The following BANK1 variants were observed in gnomAD, a reference collection of about 807,000 sequenced individuals.
BANK1 encodes B cell scaffold protein with ankyrin repeats 1, also known as B-cell scaffold protein with ankyrin repeats.
BANK1 carries 95 observed loss-of-function variants against 94.5 expected under a neutral mutation model. That is an observed-to-expected ratio of 1.00 (90% CI 0.85 to 1.19). The LOEUF (loss-of-function observed/expected upper bound fraction) is 1.19. Among genes scored for constraint, BANK1 ranks in the 50% most tolerant of loss-of-function variants. The pLI is 0.00. For synonymous variants in BANK1, 334 were observed against 308.4 expected (o/e 1.08, Z -0.87); for missense variants, 987 against 932.2 (o/e 1.06, Z -0.77).
At chr4:101,978,274 A>G (rs1324352258) in intron 7 of BANK1, among the ~76,000 whole-genome samples, 1 of 152,134 alleles carries the variant, frequency 6.6e-6, no homozygotes, top group Non-Finnish European at 1.5e-5. Flanking sequence ...CAGTTCTTCA[A>G]AGATCATACA....
At chr4:101,843,655 G>T (rs1033058314) in intron 2 of BANK1, among the ~76,000 whole-genome samples, 2 of 152,256 alleles carry the variant, frequency 1.3e-5, no homozygotes, top group East Asian at 1.9e-4. Context: ...GGTGGCTCAT[G>T]CCTGTAATCC....
At chr4:102,002,638 C>G (rs1214126205) in intron 7 of BANK1, among the ~76,000 whole-genome samples, 1 of 151,762 alleles carries the variant, frequency 6.6e-6, no homozygotes, top group Non-Finnish European at 1.5e-5. Context: ...GGTAAAATGA[C>G]TTGCTCAAGA....
intron 5 of BANK1, among the ~76,000 whole-genome samples, chr4:101,880,115 A>C (rs1253262906): frequency 2.0e-5 from 3 of 152,116 alleles, no homozygotes; most frequent in Non-Finnish European, 2.9e-5. Context: ...GAAATAAATA[A>C]AGGCATCCAA....
chr4:101,911,645 T>C (rs1010329178), intron 6 of BANK1, among the ~76,000 whole-genome samples: 1 of 152,232 alleles, frequency 6.6e-6, no homozygotes, highest in Non-Finnish European at 1.5e-5. Context: ...TATCAATAGA[T>C]ACAAATTATT....
At chr4:102,066,479 G>A (rs1013360496) in intron 13 of BANK1, among the ~76,000 whole-genome samples, 2 of 151,976 alleles carry the variant, frequency 1.3e-5, no homozygotes, top group Non-Finnish European at 2.9e-5. Context: ...GGATGGTCTC[G>A]ATCTCCTGAC....
intron 5 of BANK1, among the ~76,000 whole-genome samples, chr4:101,886,364 G>A (rs773956009): frequency 1.3e-5 from 2 of 152,142 alleles, no homozygotes; most frequent in Admixed American, 1.3e-4. Flanking sequence ...GGCCAGAAAG[G>A]AAAGAATCAA....
chr4:102,070,115 A>C (rs1728711875), intron 13 of BANK1, among the ~76,000 whole-genome samples: 1 of 152,216 alleles, frequency 6.6e-6, no homozygotes, highest in Non-Finnish European at 1.5e-5. Flanking sequence ...GGCAAGTTTC[A>C]GAGCAGGAGT....
intron 2 of BANK1, among the ~76,000 whole-genome samples, chr4:101,837,998 C>G (rs548101129): frequency 6.6e-6 from 1 of 151,390 alleles, no homozygotes; most frequent in South Asian, 2.1e-4. Context: ...CTTGCTCTGT[C>G]ACCCAGGCTG....
intron 7 of BANK1, among the ~76,000 whole-genome samples, chr4:101,978,539 C>A (rs1725214990): frequency 6.6e-6 from 1 of 152,052 alleles, no homozygotes; most frequent in Non-Finnish European, 1.5e-5. Flanking sequence ...ACCAGGCATT[C>A]TTAATACGTA....
intron 11 of BANK1, among the ~76,000 whole-genome samples, chr4:102,051,153 A>G (rs1728033820): frequency 6.6e-6 from 1 of 152,180 alleles, no homozygotes; most frequent in South Asian, 2.1e-4. Context: ...GGAAGATATT[A>G]CCCTTACATG....
chr4:101,907,336 C>G lies in BANK1; in HGVS notation c.1010-10657C>G, dbSNP rs948180297. ...TTATCTCAATAGATGCAGAAAAGGC[C>G]TTTGACAAAATTCAACAGCACTTCA... is the stretch of plus-strand genomic sequence containing the variant. On this transcript the variant is annotated intron_variant, in intron 6 of 16. Transcript: ENST00000322953. Among the ~76,000 whole-genome samples the G allele has an allele frequency of 3.9e-5, 6 of 152,282 alleles. No individual in the cohort carries two copies. In the East Asian group the frequency reaches 7.7e-4, roughly 20 times the overall value.
Position 102,030,221 on chromosome 4 carries a change from C to A in BANK1, c.1856C>A (p.Thr619Lys). 6.2e-7 allele frequency: 1 copy of A among 1,609,420 alleles called. No homozygotes were observed. Among genetic ancestry groups the A allele is most frequent in the Non-Finnish European group, 8.5e-7 (1 of 1,178,778 alleles). The change falls in exon 10 of 17, where the codon ACA becomes AAA. Residue 619 changes from threonine to lysine, a missense_variant. By Grantham distance (78) the Thr-to-Lys change is moderately conservative. Transcript: ENST00000322953. ...CCTCCTGCCCCCACACCCCGACCCA[C>A]AAGTATACCTCCAAAAGAGGAAACT... is the stretch of plus-strand genomic sequence containing the variant. ...NRPPAPTPRP[T>K]SIPPKEETTP...
intron 1 of BANK1, among the ~76,000 whole-genome samples, chr4:101,817,660 A>ACATCT (rs1337203869): frequency 1.3e-5 from 2 of 151,908 alleles, no homozygotes; most frequent in Admixed American, 1.3e-4. Flanking sequence ...ACAAACCTGC[A>ACATCT]CATCTCGCAC....
intron 5 of BANK1, among the ~76,000 whole-genome samples, chr4:101,885,933 A>G (rs74285012): frequency 0.087 from 13,269 of 152,294 alleles, 855 homozygotes; most frequent in African/African-American, 0.18. Flanking sequence ...GTAGGCAACT[A>G]TAACACAATA....
intron 1 of BANK1, among the ~76,000 whole-genome samples, chr4:101,796,465 G>C (rs1218170634): frequency 6.6e-6 from 1 of 152,128 alleles, no homozygotes; most frequent in Non-Finnish European, 1.5e-5. Context: ...AACAATCTGA[G>C]AATGAAATCT....
intron 2 of BANK1, among the ~76,000 whole-genome samples, chr4:101,849,382 C>T (rs1302498662): frequency 6.6e-6 from 1 of 152,156 alleles, no homozygotes; most frequent in Non-Finnish European, 1.5e-5. Flanking sequence ...CTCTTCTCTT[C>T]ACCATTTTAA....
chr4:102,073,285 CATT>C (rs1483611151), intron 15 of BANK1, among the ~76,000 whole-genome samples: 3 of 150,588 alleles, frequency 2.0e-5, no homozygotes, highest in East Asian at 1.9e-4. Flanking sequence ...ATTATAGACT[CATT>C]AGACTCATTC....
At chr4:101,981,660 A>G (rs1239621157) in intron 7 of BANK1, among the ~76,000 whole-genome samples, 2 of 152,090 alleles carry the variant, frequency 1.3e-5, no homozygotes, top group Non-Finnish European at 2.9e-5. Context: ...GATCTATGGC[A>G]GAGGGTTCCT....
intron 1 of BANK1, among the ~76,000 whole-genome samples, chr4:101,801,402 A>C (rs771164548): frequency 2.8e-4 from 42 of 152,210 alleles, no homozygotes; most frequent in Non-Finnish European, 3.2e-4. Context: ...ATTTGAATTA[A>C]ATTTTCTGTT....
Sources: gnomAD v4.1 joint callset for allele counts (sites outside exome capture counted in the v4.1 genomes callset) on GRCh38, gnomAD v4.1.1 for gene constraint, MANE v1.5 for transcripts, NCBI Gene and HGNC (gene_info 2026-07-23, HGNC 2026-07-21) for gene names.